GABRA2: variants seen among roughly 807,000 people sequenced by gnomAD.
The protein encoded by GABRA2 is gamma-aminobutyric acid type A receptor subunit alpha2.
In GABRA2, 16 loss-of-function variants were observed where a neutral mutation model predicts 48.7. The ratio of observed to expected loss-of-function variants is 0.33; its 90% CI spans 0.22 to 0.50. The LOEUF is 0.50. Among genes scored for constraint, GABRA2 ranks in the 20% least tolerant of loss-of-function variants. The pLI, the probability that GABRA2 is intolerant of heterozygous loss-of-function variation, is 0.98. For missense variants in GABRA2, 275 were observed against 535.6 expected (o/e 0.51, Z 4.80); for synonymous variants, 185 against 184.5 (o/e 1.00, Z -0.02).
chr4:46,358,848 A>G (rs1712660380), intron 3 of GABRA2, among the ~76,000 whole-genome samples: 1 of 152,200 alleles, frequency 6.6e-6, no homozygotes, highest in Admixed American at 6.5e-5. Context: ...GAATTTGTCC[A>G]TTTGGATACT....
At chr4:46,265,185 G>A (rs1021915111) in intron 8 of GABRA2, among the ~76,000 whole-genome samples, 7 of 149,232 alleles carry the variant, frequency 4.7e-5, no homozygotes, top group Non-Finnish European at 1.0e-4. Context: ...ACAGGAGCAC[G>A]CTACCATGCC....
chr4:46,390,202 T>TC (rs1273360427), upstream of GABRA2: 1,730 of 59,900 alleles, frequency 0.029, 23 homozygotes, highest in East Asian at 0.14. Context: ...CTCCCCCCCC[T>TC]CCCCCCCCCC....
chr4:46,251,385 T>A (rs57251301), intron 9 of GABRA2, among the ~76,000 whole-genome samples: 7,804 of 151,550 alleles, frequency 0.051, 681 homozygotes, highest in African/African-American at 0.18. Flanking sequence ...GAACTTAGAA[T>A]GAAAACAACA....
chr4:46,305,801 C>T (rs747614076), intron 6 of GABRA2, 90 bp from the exon 7 acceptor site: 8 of 880,360 alleles, frequency 9.1e-6, no homozygotes, highest in Admixed American at 2.6e-5. Context: ...CATACAATCA[C>T]TATATACTTT....
intron 8 of GABRA2, among the ~76,000 whole-genome samples, chr4:46,264,007 C>T (rs1468035294): frequency 2.0e-5 from 3 of 151,342 alleles, no homozygotes; most frequent in African/African-American, 7.3e-5. Flanking sequence ...CATACAGCAA[C>T]ATTCTATAGT....
intron 3 of GABRA2, among the ~76,000 whole-genome samples, chr4:46,348,360 G>A (rs1334213394): frequency 5.9e-5 from 9 of 151,814 alleles, no homozygotes; most frequent in East Asian, 3.9e-4. Context: ...TGTGGAAGTC[G>A]GTGTGGCGAT....
At chr4:46,318,244 A>G (rs1728875639) in intron 4 of GABRA2, among the ~76,000 whole-genome samples, 1 of 151,414 alleles carries the variant, frequency 6.6e-6, no homozygotes, top group Admixed American at 6.6e-5. Context: ...GATAAATATA[A>G]TAATTAGTCC....
At chr4:46,303,419 GA>G (rs754174602) in intron 8 of GABRA2, 40 bp downstream of exon 8, 10 of 1,542,534 alleles carry the variant, frequency 6.5e-6, no homozygotes, top group Non-Finnish European at 8.1e-6. Context: ...AGTATGCTAT[GA>G]AACATAATGT....
At chr4:46,372,054 A>T (rs752845966) in intron 3 of GABRA2, among the ~76,000 whole-genome samples, 5 of 152,218 alleles carry the variant, frequency 3.3e-5, no homozygotes, top group Non-Finnish European at 7.3e-5. Context: ...CAACATATGC[A>T]TGTTAATAAT....
At chr4:46,316,385 T>C (rs190418494) in intron 4 of GABRA2, among the ~76,000 whole-genome samples, 56 of 152,150 alleles carry the variant, frequency 3.7e-4, no homozygotes, top group Admixed American at 7.2e-4. Flanking sequence ...AAAGCAACCA[T>C]AGATTGCATA....
intron 9 of GABRA2, among the ~76,000 whole-genome samples, chr4:46,252,652 T>G (rs892652864): frequency 2.0e-5 from 3 of 151,450 alleles, no homozygotes; most frequent in Non-Finnish European, 3.0e-5. Context: ...TGGAGTATGC[T>G]TTTTCCTAAA....
intron 8 of GABRA2, among the ~76,000 whole-genome samples, chr4:46,284,775 A>G (rs970376433): frequency 2.6e-5 from 4 of 152,018 alleles, no homozygotes; most frequent in Admixed American, 6.6e-5. Context: ...TGTCTTCTAG[A>G]GCATATTAAT....
chr4:46,353,298 C>G (rs550417696), intron 3 of GABRA2, among the ~76,000 whole-genome samples: 4 of 152,170 alleles, frequency 2.6e-5, no homozygotes, highest in African/African-American at 9.6e-5. Context: ...CCACCCTGGT[C>G]CAAGCCACCA....
intron 7 of GABRA2, among the ~76,000 whole-genome samples, chr4:46,304,821 G>A (rs1444915109): frequency 6.6e-6 from 1 of 151,084 alleles, no homozygotes; most frequent in African/African-American, 2.4e-5. Flanking sequence ...AGCTACTCGG[G>A]AGGCTGAGGC....
At position 46,363,215 on chromosome 4, in the gene GABRA2, T is replaced by C. The variant is rs574508800; in HGVS notation, c.187+22859A>G. ...TTGAATGTAGGGAATAAGTGAATGA[T>C]GTATTTCAATAGGCCAGAAAAGAAA... is the stretch of plus-strand genomic sequence containing the variant. On this transcript the variant is annotated intron_variant, in intron 3 of 9. Coordinates refer to ENST00000381620, the MANE Select transcript of GABRA2 (RefSeq NM_000807.4). 8.5e-5 allele frequency among the ~76,000 whole-genome samples: 13 copies of C among 152,302 alleles called. No homozygotes were observed. The South Asian group carries it at 2.7e-3, about 32-fold the overall frequency.
At chr4:46,318,873 G>A (rs567732385) in intron 4 of GABRA2, among the ~76,000 whole-genome samples, 1 of 151,746 alleles carries the variant, frequency 6.6e-6, no homozygotes, top group South Asian at 2.1e-4. Context: ...TTACACTGAA[G>A]AGTTGAAAAA....
At position 46,262,934 on chromosome 4, in the gene GABRA2, AGAAG is replaced by A. The variant is rs1270791398; in HGVS notation, c.857-810_857-807del. On this transcript the variant is annotated intron_variant, in intron 8 of 9. Transcript: ENST00000381620. ...AAGAAAGAAAGAGAGAGAGAAAGAA[AGAAG>A]AAAGAAAGAAAGAAAGAAAGAGAGA... Among the ~76,000 whole-genome samples, 11 of 119,724 alleles carry A rather than the reference AGAAG, an allele frequency of 9.2e-5. No homozygotes were observed. The East Asian group carries it at 2.4e-3, about 26-fold the overall frequency. The allele number at this position is 119,724 out of a possible 152,430, so 78.5% of individuals were successfully genotyped here. A position where few individuals can be genotyped will look rare whatever the true frequency, so the allele number is the denominator to read the frequency against.
At chr4:46,299,101 T>A (rs1173998122) in intron 8 of GABRA2, among the ~76,000 whole-genome samples, 2 of 151,546 alleles carry the variant, frequency 1.3e-5, no homozygotes, top group Non-Finnish European at 3.0e-5. Flanking sequence ...CTTCAAATAT[T>A]CTGTAATAAA....
chr4:46,331,166 T>C (rs141326074), intron 4 of GABRA2, among the ~76,000 whole-genome samples: 75 of 152,306 alleles, frequency 4.9e-4, no homozygotes, highest in African/African-American at 1.7e-3. Context: ...GAATTGTGCC[T>C]AAGACCCAGA....
Sources: allele counts gnomAD v4.1 joint callset (sites outside exome capture counted in the v4.1 genomes callset), GRCh38; gene constraint gnomAD v4.1.1; transcripts MANE v1.5; gene names NCBI Gene and HGNC (gene_info 2026-07-23, HGNC 2026-07-21).